PRELID2: variants seen among roughly 807,000 people sequenced by gnomAD.
PRELID2 encodes PRELI domain-containing protein 2.
PRELID2 carries 25 observed loss-of-function variants against 28.4 expected under a neutral mutation model. That is an observed-to-expected ratio of 0.88 (90% CI 0.64 to 1.23). PRELID2 has a LOEUF of 1.23. Ranked by LOEUF, PRELID2 falls within the 50% of genes most tolerant of loss-of-function variation. The pLI is 0.00. For missense variants in PRELID2, 201 were observed against 214.4 expected, an observed-to-expected ratio of 0.94 and a Z score of 0.39; for synonymous variants, 76 against 71.6, an observed-to-expected ratio of 1.06 and a Z score of -0.31.
At chr5:145,581,008 T>C (rs1753102756) in intron 1 of PRELID2, among the ~76,000 whole-genome samples, 1 of 151,964 alleles carries the variant, frequency 6.6e-6, no homozygotes, top group Non-Finnish European at 1.5e-5. Context: ...CCTCACCTAC[T>C]TTGTATCTTG....
intron 1 of PRELID2, among the ~76,000 whole-genome samples, chr5:145,724,648 A>G (rs1205230191): frequency 1.7e-5 from 1 of 60,524 alleles, no homozygotes; most frequent in East Asian, 5.3e-4. Context: ...TATATATATA[A>G]TGCCTGTAAC....
intron 1 of PRELID2, among the ~76,000 whole-genome samples, chr5:145,506,851 C>T (rs1217972716): frequency 1.3e-5 from 2 of 152,210 alleles, no homozygotes; most frequent in Non-Finnish European, 2.9e-5. Flanking sequence ...TTCAATGCCA[C>T]CTCCTCAGAG....
the PRELID2 span, among the ~76,000 whole-genome samples, chr5:145,313,663 T>C: frequency 1.5e-3 from 221 of 152,280 alleles, 1 homozygote; most frequent in African/African-American, 5.0e-3. Flanking sequence ...ATCACATTCG[T>C]AGGAGGCGGC....
chr5:145,242,789 C>T, the PRELID2 span, among the ~76,000 whole-genome samples: 1 of 152,034 alleles, frequency 6.6e-6, no homozygotes, highest in South Asian at 2.1e-4. Flanking sequence ...AAATGTTTAT[C>T]ATTCCCCACC....
chr5:145,306,712 A>AT, the PRELID2 span, among the ~76,000 whole-genome samples: 1 of 151,962 alleles, frequency 6.6e-6, no homozygotes. Flanking sequence ...ATAACTAGTG[A>AT]TTTTTCTGAA....
chr5:145,373,362 T>TATATTACAACATATATAATATATAC, the PRELID2 span, among the ~76,000 whole-genome samples: 2 of 57,828 alleles, frequency 3.5e-5, no homozygotes, highest in Admixed American at 2.6e-4. Context: ...ATAATATATA[T>TATATTACAACATATATAATATATAC]GATATTATAT....
chr5:145,443,654 T>C, the PRELID2 span, among the ~76,000 whole-genome samples: 2 of 152,120 alleles, frequency 1.3e-5, no homozygotes, highest in Non-Finnish European at 2.9e-5. Context: ...TCCACCTCTG[T>C]ACAGCATTTT....
the PRELID2 span, among the ~76,000 whole-genome samples, chr5:145,308,097 G>C: frequency 6.6e-6 from 1 of 152,156 alleles, no homozygotes; most frequent in Non-Finnish European, 1.5e-5. Flanking sequence ...AACTACTCTA[G>C]CAAGAATGTA....
chr5:145,230,927 G>A, the PRELID2 span, among the ~76,000 whole-genome samples: 1 of 152,176 alleles, frequency 6.6e-6, no homozygotes, highest in Non-Finnish European at 1.5e-5. Flanking sequence ...GTGTCTTCAT[G>A]ACAATGTAGC....
At chr5:145,682,998 T>C (rs1754967862) in intron 1 of PRELID2, among the ~76,000 whole-genome samples, 1 of 152,138 alleles carries the variant, frequency 6.6e-6, no homozygotes, top group Non-Finnish European at 1.5e-5. Context: ...GATTCTAAAT[T>C]GTAGCTCATG....
intron 6 of PRELID2, among the ~76,000 whole-genome samples, chr5:145,763,752 T>G (rs1357791049): frequency 2.0e-5 from 3 of 152,194 alleles, no homozygotes; most frequent in African/African-American, 7.2e-5. Flanking sequence ...AAAGTTTGTT[T>G]TATTCAAAGG....
At chr5:145,401,300 T>C in the PRELID2 span, among the ~76,000 whole-genome samples, 1 of 147,524 alleles carries the variant, frequency 6.8e-6, no homozygotes, top group South Asian at 2.1e-4. Context: ...GTAGATCTCA[T>C]GTTAAGTGTT....
intron 1 of PRELID2, among the ~76,000 whole-genome samples, chr5:145,686,548 G>A (rs1022338048): frequency 1.3e-5 from 2 of 152,078 alleles, no homozygotes; most frequent in African/African-American, 4.8e-5. Context: ...CCAGAAATAA[G>A]AAAGCTGTGA....
the PRELID2 span, among the ~76,000 whole-genome samples, chr5:145,404,963 C>A: frequency 6.6e-6 from 1 of 152,064 alleles, no homozygotes. Context: ...GATGGAGGCC[C>A]CGCTGCACAT....
At chr5:145,784,786 GT>G (rs5871943) in intron 5 of PRELID2, among the ~76,000 whole-genome samples, 133,710 of 143,976 alleles carry the variant, frequency 0.93, 62,684 homozygotes, top group South Asian at 0.99. Flanking sequence ...TCCCAACTTT[GT>G]TTTTTTTTTT....
chr5:145,348,545 A>G, the PRELID2 span, among the ~76,000 whole-genome samples: 1 of 152,152 alleles, frequency 6.6e-6, no homozygotes, highest in Non-Finnish European at 1.5e-5. Flanking sequence ...AAATTAATGC[A>G]ATAAATTCTT....
At chr5:145,491,024 T>C (rs1164946383) in intron 1 of PRELID2, among the ~76,000 whole-genome samples, 1 of 152,088 alleles carries the variant, frequency 6.6e-6, no homozygotes, top group East Asian at 1.9e-4. Flanking sequence ...TCTCCTATAT[T>C]TTGAAATCTT....
At chr5:145,741,244 A>G (rs1756717717) in intron 1 of PRELID2, among the ~76,000 whole-genome samples, 1 of 112,882 alleles carries the variant, frequency 8.9e-6, no homozygotes, top group Non-Finnish European at 1.6e-5. Context: ...TAATATAAAT[A>G]TATAATATAT....
the PRELID2 span, among the ~76,000 whole-genome samples, chr5:145,347,807 A>G: frequency 6.6e-6 from 1 of 152,242 alleles, no homozygotes; most frequent in East Asian, 1.9e-4. Context: ...GTCTGTTGGC[A>G]TATATTGAAA....
Sources: allele counts gnomAD v4.1 joint callset (sites outside exome capture counted in the v4.1 genomes callset), GRCh38; gene constraint gnomAD v4.1.1; transcripts MANE v1.5; gene names NCBI Gene and HGNC (gene_info 2026-07-23, HGNC 2026-07-21).